The following CNTNAP2 variants were observed in gnomAD, a reference collection of about 807,000 sequenced individuals.
CNTNAP2 encodes contactin-associated protein-like 2.
A neutral mutation model predicts 155.2 loss-of-function variants in CNTNAP2; 98 were observed. The ratio of observed to expected loss-of-function variants is 0.63; its 90% CI spans 0.54 to 0.75. The LOEUF (loss-of-function observed/expected upper bound fraction) is 0.75. Ranked by LOEUF, CNTNAP2 falls within the 30% of genes least tolerant of loss-of-function variation. The pLI, the probability that CNTNAP2 is intolerant of heterozygous loss-of-function variation, is 0.00. For synonymous variants in CNTNAP2, 651 were observed against 631.2 expected (o/e 1.03, Z -0.47); for missense variants, 1,727 against 1,688.1 (o/e 1.02, Z -0.40).
intron 8 of CNTNAP2, among the ~76,000 whole-genome samples, chr7:147,193,618 T>TG (rs1802724038): frequency 6.6e-6 from 1 of 152,144 alleles, no homozygotes; most frequent in Admixed American, 6.5e-5. Context: ...TAACCTGGGA[T>TG]GGGGAGCTCA....
chr7:146,678,687 G>T (rs1180605446), intron 1 of CNTNAP2, among the ~76,000 whole-genome samples: 1 of 152,050 alleles, frequency 6.6e-6, no homozygotes, highest in African/African-American at 2.4e-5. Flanking sequence ...TGCAAAAAGG[G>T]TTTATGAAAT....
At position 147,243,820 on chromosome 7, in the gene CNTNAP2, T is replaced by C. The variant is rs1404966309; in HGVS notation, c.1349-56321T>C. Among the ~76,000 whole-genome samples the C allele has an allele frequency of 5.3e-5, 8 of 152,198 alleles. No individual in the cohort carries two copies. In the East Asian group the frequency reaches 1.2e-3, roughly 22 times the overall value. ...ATCTTCAGGTCACAAAGGGCTGTCA[T>C]GAACAAAGTTTCTTCTTTTTTTAAA... On this transcript the variant is annotated intron_variant, in intron 8 of 23. Coordinates refer to ENST00000361727, the MANE Select transcript of CNTNAP2 (RefSeq NM_014141.6).
chr7:147,146,778 A>G (rs1174274278), intron 8 of CNTNAP2: 1 of 152,220 alleles, frequency 6.6e-6, no homozygotes, highest in East Asian at 1.9e-4. Flanking sequence ...TATGCCAAGA[A>G]TAGAAGATGA....
At chr7:147,152,106 A>G (rs982441352) in intron 8 of CNTNAP2, among the ~76,000 whole-genome samples, 1 of 152,148 alleles carries the variant, frequency 6.6e-6, no homozygotes, top group Non-Finnish European at 1.5e-5. Context: ...GACATAGCCA[A>G]TACCCAGCCT....
chr7:148,024,621 C>T (rs150559524), intron 15 of CNTNAP2, among the ~76,000 whole-genome samples: 1 of 152,280 alleles, frequency 6.6e-6, no homozygotes, highest in Non-Finnish European at 1.5e-5. Context: ...TACCATGCTG[C>T]TAATGTTTAG....
intron 1 of CNTNAP2, among the ~76,000 whole-genome samples, chr7:146,515,290 G>A (rs1425153802): frequency 6.6e-6 from 1 of 152,030 alleles, no homozygotes; most frequent in Non-Finnish European, 1.5e-5. Flanking sequence ...AGGAATCCAA[G>A]ATAATAGAGA....
intron 8 of CNTNAP2, among the ~76,000 whole-genome samples, chr7:147,239,518 A>G (rs1397530480): frequency 6.6e-6 from 1 of 151,902 alleles, no homozygotes; most frequent in African/African-American, 2.4e-5. Context: ...TCCAAAAAAA[A>G]AAAAAAAAAG....
At chr7:146,642,334 G>T (rs1220403374) in intron 1 of CNTNAP2, among the ~76,000 whole-genome samples, 1 of 119,588 alleles carries the variant, frequency 8.4e-6, no homozygotes, top group Non-Finnish European at 1.6e-5. Context: ...ACAGTCCACA[G>T]AGTGTGATGT....
intron 1 of CNTNAP2, among the ~76,000 whole-genome samples, chr7:146,667,751 TG>T (rs1270983752): frequency 1.3e-5 from 2 of 152,042 alleles, no homozygotes; most frequent in Admixed American, 1.3e-4. Context: ...TAAATTGGAC[TG>T]TCTTCTTGAT....
At chr7:146,446,576 G>T (rs1188487389) in intron 1 of CNTNAP2, among the ~76,000 whole-genome samples, 1 of 151,988 alleles carries the variant, frequency 6.6e-6, no homozygotes, top group Non-Finnish European at 1.5e-5. Context: ...AAGACCAGTT[G>T]GTTCTAGGGG....
rs891417338 is a variant in CNTNAP2 at position 146,403,146 on chromosome 7, G to C, written c.97+286173G>C. On this transcript the variant is annotated intron_variant, in intron 1 of 23. Coordinates refer to ENST00000361727, the MANE Select transcript of CNTNAP2 (RefSeq NM_014141.6). Reference sequence around the variant, plus strand: ...TTTTTGGTAAGGGTGTGGCTATAGAGGTTAGCCAATTCACATCAATTTTTA... The same window carrying C: ...TTTTTGGTAAGGGTGTGGCTATAGACGTTAGCCAATTCACATCAATTTTTA... Among the ~76,000 whole-genome samples the C allele has an allele frequency of 7.6e-4, 115 of 152,050 alleles. 7 individuals are homozygous for C. Among genetic ancestry groups the C allele is most frequent in the Non-Finnish European group, 1.8e-4 (12 of 67,936 alleles).
chr7:148,356,072 C>G (rs181850264), intron 21 of CNTNAP2, among the ~76,000 whole-genome samples: 1 of 152,164 alleles, frequency 6.6e-6, no homozygotes, highest in Admixed American at 6.5e-5. Context: ...GTTACACACA[C>G]ATAGACTATA....
chr7:147,257,176 G>A (rs1804351162), intron 8 of CNTNAP2, among the ~76,000 whole-genome samples: 1 of 152,164 alleles, frequency 6.6e-6, no homozygotes, highest in Non-Finnish European at 1.5e-5. Flanking sequence ...GTTTTAAGAG[G>A]AAGTAAATGG....
intron 21 of CNTNAP2, among the ~76,000 whole-genome samples, chr7:148,330,130 ATGGGTAGAATGGATGGATGGAG>A (rs1797960244): frequency 7.4e-6 from 1 of 135,934 alleles, no homozygotes; most frequent in Non-Finnish European, 1.6e-5. Context: ...GATGGAGTGG[ATGGGTAGAATGGATGGATGGAG>A]TGGATGGATG....
intron 8 of CNTNAP2, among the ~76,000 whole-genome samples, chr7:147,181,699 T>C (rs961433449): frequency 6.6e-6 from 1 of 152,232 alleles, no homozygotes; most frequent in African/African-American, 2.4e-5. Context: ...GTTGTCAGAA[T>C]TTCTACAAGG....
intron 3 of CNTNAP2, among the ~76,000 whole-genome samples, chr7:146,983,168 T>G (rs1208657434): frequency 6.6e-6 from 1 of 152,182 alleles, no homozygotes; most frequent in African/African-American, 2.4e-5. Context: ...ATTAATCATT[T>G]CTGGAACAAA....
intron 9 of CNTNAP2, among the ~76,000 whole-genome samples, chr7:147,349,755 T>C (rs193046074): frequency 2.2e-4 from 33 of 152,078 alleles, no homozygotes; most frequent in Non-Finnish European, 3.4e-4. Context: ...TGTACTACCC[T>C]ACCATTTGGT....
chr7:147,614,996 T>C (rs1350257436), intron 12 of CNTNAP2, among the ~76,000 whole-genome samples: 1 of 150,874 alleles, frequency 6.6e-6, no homozygotes, highest in African/African-American at 2.4e-5. Context: ...CTTATAACTG[T>C]AGTCTCAGTA....
intron 8 of CNTNAP2, among the ~76,000 whole-genome samples, chr7:147,260,771 A>G (rs2116683600): frequency 6.6e-6 from 1 of 152,280 alleles, no homozygotes; most frequent in East Asian, 1.9e-4. Flanking sequence ...CAATGGACTC[A>G]CCTGTGTGAA....
Sources: allele counts gnomAD v4.1 joint callset (sites outside exome capture counted in the v4.1 genomes callset), GRCh38; gene constraint gnomAD v4.1.1; transcripts MANE v1.5; gene names NCBI Gene and HGNC (gene_info 2026-07-23, HGNC 2026-07-21).